The following FAR1 variants were observed in gnomAD, a reference collection of about 807,000 sequenced individuals.
FAR1 encodes fatty acyl-CoA reductase 1, also known as male sterility domain-containing protein 2.
A neutral mutation model predicts 61.1 loss-of-function variants in FAR1; 22 were observed. That is an observed-to-expected ratio of 0.36 (90% confidence interval 0.26 to 0.51). The LOEUF (loss-of-function observed/expected upper bound fraction) is 0.51, where lower values mean the gene tolerates loss of function less well. FAR1 is among the 20% of genes least tolerant of loss of function. FAR1 has a pLI of 0.95. For missense variants in FAR1, 359 were observed against 626.9 expected, an observed-to-expected ratio of 0.57 and a Z score of 4.56; for synonymous variants, 206 against 209.7, an observed-to-expected ratio of 0.98 and a Z score of 0.15.
intron 2 of FAR1, among the ~76,000 whole-genome samples, chr11:13,699,306 G>T (rs867765014): frequency 6.6e-6 from 1 of 152,020 alleles, no homozygotes; most frequent in African/African-American, 2.4e-5. Context: ...AATCTAGAAG[G>T]TGCCTGCCTG....
At chr11:13,715,737 A>C (rs1184176441) in intron 9 of FAR1, 4 of 152,112 alleles carry the variant, frequency 2.6e-5, no homozygotes, top group African/African-American at 7.2e-5. Context: ...TGTCTTTACC[A>C]CACAATTACA....
At chr11:13,682,482 C>A (rs2134171278) in intron 1 of FAR1, among the ~76,000 whole-genome samples, 1 of 152,246 alleles carries the variant, frequency 6.6e-6, no homozygotes, top group South Asian at 2.1e-4. Context: ...AGTGGCAGAG[C>A]TGAGAAGTTG....
intron 2 of FAR1, among the ~76,000 whole-genome samples, chr11:13,698,414 G>A (rs138955337): frequency 6.6e-5 from 10 of 152,230 alleles, no homozygotes; most frequent in African/African-American, 1.9e-4. Flanking sequence ...TCTCATTGCC[G>A]TTATTTTGAT....
chr11:13,723,900 CTA>C, intron 10 of FAR1, among the ~76,000 whole-genome samples: 1 of 152,238 alleles, frequency 6.6e-6, no homozygotes, highest in East Asian at 1.9e-4. Flanking sequence ...TAAACAGTCT[CTA>C]GAATTTTTTC....
In FAR1 at chr11:13,730,390, T is replaced by G. The variant is rs748559130; in HGVS notation, c.*1616T>G. The G allele has an allele frequency of 3.9e-5, 6 of 152,442 alleles. No individual in the cohort carries two copies. Among genetic ancestry groups the G allele is most frequent in the Non-Finnish European group, 8.8e-5 (6 of 67,950 alleles). The allele number at this position is 152,442 out of a possible 1,614,324, so 9.4% of individuals were successfully genotyped here. ...TTTTCTGTAGTAAAACTTTTAAATA[T>G]TATTTTAAAAGAAATATGTATATAA... On this transcript the variant is annotated 3_prime_UTR_variant, in exon 12 of 12. Transcript: ENST00000354817.
intron 2 of FAR1, among the ~76,000 whole-genome samples, chr11:13,698,296 A>G (rs1231708136): frequency 6.6e-6 from 1 of 152,182 alleles, no homozygotes; most frequent in Non-Finnish European, 1.5e-5. Flanking sequence ...TTGGACTTGT[A>G]TGCTGAGCAA....
chr11:13,690,655 T>A (rs963634510), intron 1 of FAR1, among the ~76,000 whole-genome samples: 1 of 152,216 alleles, frequency 6.6e-6, no homozygotes, highest in Non-Finnish European at 1.5e-5. Flanking sequence ...TACATCTCAA[T>A]ATATGGTAAT....
chr11:13,692,568 T>A (rs1848261977), intron 1 of FAR1, among the ~76,000 whole-genome samples: 1 of 152,244 alleles, frequency 6.6e-6, no homozygotes, highest in Non-Finnish European at 1.5e-5. Flanking sequence ...ATTTTGGTGT[T>A]CTATACTGTT....
At chr11:13,687,743 G>A (rs1042999081) in intron 1 of FAR1, among the ~76,000 whole-genome samples, 2 of 152,050 alleles carry the variant, frequency 1.3e-5, no homozygotes, top group Non-Finnish European at 2.9e-5. Context: ...TTTAGTGCTT[G>A]TCATATACAC....
In FAR1 at chr11:13,731,374, A is replaced by ATTGTT. The variant is rs1391418181; in HGVS notation, c.*2605_*2609dup. On this transcript the variant is annotated 3_prime_UTR_variant, in exon 12 of 12. Coordinates refer to ENST00000354817, the MANE Select transcript of FAR1 (RefSeq NM_032228.6). ...TGTTGTCTATAGGAATTAACTTGGG[A>ATTGTT]TTGTTTTGTGGGTTTTTGTTTGTTT... is the stretch of plus-strand genomic sequence containing the variant. 4 of 152,356 alleles carry ATTGTT rather than the reference A, an allele frequency of 2.6e-5. No homozygotes were observed. Among genetic ancestry groups the ATTGTT allele is most frequent in the Non-Finnish European group, 5.9e-5 (4 of 67,974 alleles). The allele number at this position is 152,356 out of a possible 1,614,324, so 9.4% of individuals were successfully genotyped here.
intron 3 of FAR1, among the ~76,000 whole-genome samples, chr11:13,704,958 G>T (rs565185913): frequency 1.3e-5 from 2 of 152,102 alleles, no homozygotes; most frequent in Non-Finnish European, 2.9e-5. Flanking sequence ...GAGAACCCTG[G>T]TTTAAGGTCT....
intron 4 of FAR1, among the ~76,000 whole-genome samples, chr11:13,709,711 C>T (rs1001175653): frequency 2.0e-5 from 3 of 152,010 alleles, no homozygotes; most frequent in Admixed American, 2.0e-4. Flanking sequence ...AATTTCCCTT[C>T]AATTTAATTG....
intron 3 of FAR1, among the ~76,000 whole-genome samples, chr11:13,704,514 C>CCA (rs1356456297): frequency 6.6e-6 from 1 of 152,174 alleles, no homozygotes; most frequent in Non-Finnish European, 1.5e-5. Flanking sequence ...CTAGACTGCA[C>CCA]TTGCCAAATT....
At chr11:13,688,539 G>C (rs1280610835) in intron 1 of FAR1, among the ~76,000 whole-genome samples, 1 of 152,098 alleles carries the variant, frequency 6.6e-6, no homozygotes, top group African/African-American at 2.4e-5. Context: ...AATTGTTAGA[G>C]GGAAAACTGC....
chr11:13,714,711 C>A, intron 9 of FAR1, 31 bp downstream of exon 9: 1 of 1,570,478 alleles, frequency 6.4e-7, no homozygotes, highest in South Asian at 1.2e-5. Context: ...CTTATCTGTT[C>A]CTCTGTTAAA....
intron 9 of FAR1, among the ~76,000 whole-genome samples, chr11:13,716,207 C>CAA (rs34333591): frequency 7.1e-6 from 1 of 141,728 alleles, no homozygotes; most frequent in Non-Finnish European, 1.5e-5. Context: ...AAAACTGGGT[C>CAA]AAAAAAAAAA....
Position 13,729,778 on chromosome 11 carries a change from AAT to A in FAR1, c.*1008_*1009del, listed in dbSNP as rs1848704386. On this transcript the variant is annotated 3_prime_UTR_variant, in exon 12 of 12. Transcript: ENST00000354817. ...TTTGCAGGTAGTAATAGCATTAAAA[AAT>A]ATACTCGTGTGTAAACACATACTAA... The A allele has an allele frequency of 6.6e-6, 1 of 152,088 alleles. No individual in the cohort carries two copies. The highest frequency in any genetic ancestry group is 1.5e-5 in the Non-Finnish European group (1 of 67,894). 9.4% of individuals were successfully genotyped at this position (152,088 alleles called of 1,614,324 possible).
chr11:13,721,749 C>A lies in FAR1; in HGVS notation c.1147C>A (p.Arg383Ser). 1 of 1,609,844 alleles carries A rather than the reference C, an allele frequency of 6.2e-7. No individual in the cohort carries two copies. Among genetic ancestry groups the A allele is most frequent in the South Asian group, 1.1e-5 (1 of 90,460 alleles). ...ATACAGGATGATGAAAACAATAACT[C>A]GTCTTCACAAAGCTATGGTGTTTCT... ...RSPRMMKTIT[R>S]LHKAMVFLEY... Residue 383 changes from arginine to serine, a missense_variant, in exon 10 of 12, where the codon CGT (arginine) becomes AGT (serine). Arg to Ser is a moderately radical substitution (Grantham distance 110). Coordinates refer to ENST00000354817, the MANE Select transcript of FAR1 (RefSeq NM_032228.6). This position sits in a 1 kb window ranked among gnomAD's most constrained non-coding sequence, Gnocchi z 4.2.
Position 13,713,026 on chromosome 11 carries a change from T to A in FAR1, c.948T>A (p.Gly316=). ...GCAGCACTAATCCTTTCCACTGGGG[T>A]GAAGTTGGTATGATTTTACCTGTGT... The part of the protein sequence containing the change: ...TTGSTNPFHW[G]EVEYHVISTF... Residue 316 remains glycine (G), a synonymous_variant, in exon 8 of 12, where the codon GGT becomes GGA. Coordinates refer to ENST00000354817, the MANE Select transcript of FAR1 (RefSeq NM_032228.6). 1 of 1,612,350 alleles carries A rather than the reference T, an allele frequency of 6.2e-7. No homozygotes were observed. The highest frequency in any genetic ancestry group is 8.5e-7 in the Non-Finnish European group (1 of 1,178,632).
Sources: allele counts gnomAD v4.1 joint callset (sites outside exome capture counted in the v4.1 genomes callset), GRCh38; gene constraint gnomAD v4.1.1; non-coding constraint Gnocchi (gnomAD v3.1); transcripts MANE v1.5; gene names NCBI Gene and HGNC (gene_info 2026-07-23, HGNC 2026-07-21).